ADGRL3: variants seen among roughly 807,000 people sequenced by gnomAD.
ADGRL3 encodes adhesion G protein-coupled receptor L3, also known as calcium-independent alpha-latrotoxin receptor 3.
A neutral mutation model predicts 153.5 loss-of-function variants in ADGRL3; 62 were observed. The ratio of observed to expected loss-of-function variants is 0.40; its 90% CI spans 0.33 to 0.50. The LOEUF (loss-of-function observed/expected upper bound fraction) is 0.50. ADGRL3 is among the 20% of genes least tolerant of loss of function. The probability of loss-of-function intolerance (pLI) is 0.47; values close to 1 mark genes in which losing one functional copy is unlikely to be tolerated. For synonymous variants in ADGRL3, 710 were observed against 672.5 expected (o/e 1.06, Z -0.86); for missense variants, 1,641 against 1,859.4 (o/e 0.88, Z 2.16).
intron 1 of ADGRL3, among the ~76,000 whole-genome samples, chr4:61,218,423 C>A (rs1188881139): frequency 4.6e-5 from 7 of 152,020 alleles, no homozygotes; most frequent in Admixed American, 1.3e-4. Flanking sequence ...GATCCTCCTA[C>A]CTCAGCCTCA....
chr4:61,295,013 G>T (rs1461806932), intron 1 of ADGRL3, among the ~76,000 whole-genome samples: 1 of 151,806 alleles, frequency 6.6e-6, no homozygotes, highest in African/African-American at 2.4e-5. Flanking sequence ...AATACTAAAT[G>T]GAAAATTCCA....
At chr4:61,603,460 C>T (rs1326842350) in intron 5 of ADGRL3, among the ~76,000 whole-genome samples, 1 of 152,154 alleles carries the variant, frequency 6.6e-6, no homozygotes, top group Non-Finnish European at 1.5e-5. Context: ...TATATTGCTA[C>T]TCATTTTCTA....
At chr4:61,957,757 T>C (rs12642300) in intron 17 of ADGRL3, among the ~76,000 whole-genome samples, 1 of 151,998 alleles carries the variant, frequency 6.6e-6, no homozygotes, top group Non-Finnish European at 1.5e-5. Flanking sequence ...TGATTATTTC[T>C]TAAATATTTA....
intron 2 of ADGRL3, among the ~76,000 whole-genome samples, chr4:61,443,723 C>T (rs1303097165): frequency 2.0e-5 from 3 of 151,968 alleles, no homozygotes; most frequent in African/African-American, 7.2e-5. Flanking sequence ...AAAAATCACT[C>T]ATCAATTGTT....
At chr4:61,782,796 A>T (rs924119952) in intron 8 of ADGRL3, among the ~76,000 whole-genome samples, 1 of 152,182 alleles carries the variant, frequency 6.6e-6, no homozygotes, top group African/African-American at 2.4e-5. Context: ...CTTACAAAGG[A>T]TACTGGAATT....
chr4:61,665,892 G>C (rs1255306582), intron 5 of ADGRL3, among the ~76,000 whole-genome samples: 1 of 152,212 alleles, frequency 6.6e-6, no homozygotes, highest in East Asian at 1.9e-4. Context: ...GGAGAAAGGG[G>C]CCCTTGAGAT....
At chr4:61,266,372 A>G (rs1505663) in intron 1 of ADGRL3, among the ~76,000 whole-genome samples, 35,561 of 151,724 alleles carry the variant, frequency 0.23, 4,284 homozygotes, top group East Asian at 0.3. Context: ...GCTCAAACAT[A>G]TTCATAAAGC....
intron 5 of ADGRL3, among the ~76,000 whole-genome samples, chr4:61,632,153 A>G (rs2093205981): frequency 6.6e-6 from 1 of 152,258 alleles, no homozygotes; most frequent in African/African-American, 2.4e-5. Context: ...CCTATGTCTA[A>G]TTTTATTATT....
intron 2 of ADGRL3, among the ~76,000 whole-genome samples, chr4:61,403,708 G>C (rs543485130): frequency 6.6e-6 from 1 of 152,124 alleles, no homozygotes; most frequent in South Asian, 2.1e-4. Context: ...TGATTATCTG[G>C]ATTTGAAACG....
chr4:61,775,730 C>T (rs1009236254), intron 8 of ADGRL3: 10 of 1,041,820 alleles, frequency 9.6e-6, no homozygotes, highest in Non-Finnish European at 1.5e-5. Flanking sequence ...TTGTCTAAGC[C>T]TTTGGTAGCT....
chr4:61,820,144 A>G (rs2097734366), intron 9 of ADGRL3, among the ~76,000 whole-genome samples: 1 of 152,188 alleles, frequency 6.6e-6, no homozygotes, highest in African/African-American at 2.4e-5. Flanking sequence ...TTAGTAATCA[A>G]AAGGAAAATA....
chr4:61,858,500 A>G (rs1272542759), intron 9 of ADGRL3, among the ~76,000 whole-genome samples: 1 of 152,142 alleles, frequency 6.6e-6, no homozygotes, highest in African/African-American at 2.4e-5. Context: ...GCGTGCATGC[A>G]ATCCCAGCTA....
intron 3 of ADGRL3, among the ~76,000 whole-genome samples, chr4:61,500,716 T>A (rs1413419034): frequency 6.6e-6 from 1 of 152,238 alleles, no homozygotes; most frequent in Admixed American, 6.5e-5. Flanking sequence ...TGATGATGAC[T>A]ACTGATTTTA....
At chr4:61,582,578 C>T (rs902881071) in intron 4 of ADGRL3, among the ~76,000 whole-genome samples, 20 of 151,676 alleles carry the variant, frequency 1.3e-4, no homozygotes, top group African/African-American at 4.8e-4. Flanking sequence ...TTTCTTTAAC[C>T]AGTCTACCAT....
At chr4:61,594,071 A>G (rs771966981) in intron 5 of ADGRL3, among the ~76,000 whole-genome samples, 44 of 152,110 alleles carry the variant, frequency 2.9e-4, no homozygotes, top group Admixed American at 1.7e-3. Flanking sequence ...TGTTTGATCA[A>G]TTCTGCTATT....
intron 12 of ADGRL3, among the ~76,000 whole-genome samples, chr4:61,909,957 A>G (rs1251252893): frequency 6.6e-6 from 1 of 152,158 alleles, no homozygotes; most frequent in South Asian, 2.1e-4. Context: ...ATGATAAATG[A>G]TAATCTCTCT....
intron 4 of ADGRL3, among the ~76,000 whole-genome samples, chr4:61,558,360 C>T (rs970106074): frequency 6.6e-6 from 1 of 151,346 alleles, no homozygotes. Context: ...ATTGGATGCT[C>T]ATTTTAGTGG....
chr4:61,909,472 A>G (rs978379150), intron 11 of ADGRL3, 88 bp from the exon 12 acceptor site: 10 of 857,368 alleles, frequency 1.2e-5, no homozygotes, highest in Admixed American at 5.6e-5. Flanking sequence ...CGATGATTAC[A>G]ATTACATGCA....
intron 17 of ADGRL3, among the ~76,000 whole-genome samples, chr4:61,974,834 T>C (rs1202469599): frequency 2.6e-5 from 4 of 152,222 alleles, no homozygotes; most frequent in Non-Finnish European, 5.9e-5. Context: ...AACAACCTTC[T>C]TATTTTCTAG....
Sources: allele counts gnomAD v4.1 joint callset (sites outside exome capture counted in the v4.1 genomes callset), GRCh38; gene constraint gnomAD v4.1.1; transcripts MANE v1.5; gene names NCBI Gene and HGNC (gene_info 2026-07-23, HGNC 2026-07-21).